FBXW2: variants seen among roughly 807,000 people sequenced by gnomAD.
The protein encoded by FBXW2 is F-box/WD repeat-containing protein 2.
A neutral mutation model predicts 46.0 loss-of-function variants in FBXW2; 12 were observed. The observed-to-expected ratio is 0.26, with a 90% CI of 0.17 to 0.42. The LOEUF is 0.42. FBXW2 is among the 10% of genes least tolerant of loss of function. FBXW2 has a pLI of 1.00. For synonymous variants in FBXW2, 203 were observed against 209.6 expected (o/e 0.97, Z 0.27); for missense variants, 360 against 537.0 (o/e 0.67, Z 3.26).
At chr9:120,791,834 C>T (rs778586896) in intron 2 of FBXW2, among the ~76,000 whole-genome samples, 4 of 152,134 alleles carry the variant, frequency 2.6e-5, no homozygotes, top group Admixed American at 6.5e-5. Context: ...CCTTACCCTA[C>T]GTCCCTACCC....
intron 3 of FBXW2, among the ~76,000 whole-genome samples, chr9:120,786,945 T>C (rs188111249): frequency 1.4e-3 from 219 of 152,322 alleles, no homozygotes; most frequent in Non-Finnish European, 2.1e-3. Flanking sequence ...CTCTCTCTGT[T>C]CCCAGGCCCA....
In FBXW2 at chr9:120,762,374, A is replaced by G. The variant is rs1438073620; in HGVS notation, c.*2185T>C. Reference sequence around the variant, plus strand: ...AAAAATAATAATAAAGTAAAAAGTCATTTACCATCATCATTGCCCAAAGTC... The same window carrying G: ...AAAAATAATAATAAAGTAAAAAGTCGTTTACCATCATCATTGCCCAAAGTC... On this transcript the variant is annotated 3_prime_UTR_variant, in exon 8 of 8. Coordinates refer to ENST00000608872, the MANE Select transcript of FBXW2 (RefSeq NM_012164.4). 1 of 152,012 alleles carries G rather than the reference A, an allele frequency of 6.6e-6. No individual in the cohort carries two copies. The highest frequency in any genetic ancestry group is 1.9e-4 in the East Asian group (1 of 5,176). 9.4% of individuals were successfully genotyped at this position (152,012 alleles called of 1,614,324 possible). A position where few individuals can be genotyped will look rare whatever the true frequency, so the allele number is the denominator to read the frequency against.
intron 3 of FBXW2, among the ~76,000 whole-genome samples, chr9:120,780,214 C>T (rs547540351): frequency 6.6e-6 from 1 of 151,324 alleles, no homozygotes; most frequent in African/African-American, 2.4e-5. Flanking sequence ...AAAAATTAGC[C>T]AGGCATGATG....
In FBXW2 at chr9:120,771,333, C is replaced by G. The variant is rs769070358; in HGVS notation, c.1076+15G>C. On this transcript the variant is annotated intron_variant, in intron 7 of 7. Coordinates refer to ENST00000608872, the MANE Select transcript of FBXW2 (RefSeq NM_012164.4). Reference sequence around the variant, plus strand: ...GGCTTTCAAAGGTAAAGCGTGAGGTCGAAGGAAACATTACCTGAGAATATC... The same window carrying G: ...GGCTTTCAAAGGTAAAGCGTGAGGTGGAAGGAAACATTACCTGAGAATATC... 16 of 1,600,700 alleles carry G rather than the reference C, an allele frequency of 1.0e-5. No homozygotes were observed. The highest frequency in any genetic ancestry group is 1.3e-5 in the Non-Finnish European group (15 of 1,173,348).
In FBXW2 at chr9:120,778,442, C is replaced by G. The variant is rs1293915285; in HGVS notation, c.594G>C (p.Lys198Asn). 2 of 1,614,116 alleles carry G rather than the reference C, an allele frequency of 1.2e-6. No homozygotes were observed. The highest frequency in any genetic ancestry group is 1.7e-6 in the Non-Finnish European group (2 of 1,180,018). ...TCAAVKFDEQ[K>N]LVTGSFDNTV... The stretch of plus-strand genomic sequence containing the variant: ...TGTTGTCAAAGGAGCCTGTCACAAG[C>G]TTCTGTTCATCAAACTTCACCGCTG... Residue 198 changes from lysine (K) to asparagine (N), a missense_variant, in exon 4 of 8, where the codon AAG becomes AAC. Physicochemically the swap from Lys to Asn is moderately conservative, Grantham distance 94. Transcript: ENST00000608872.
Position 120,761,692 on chromosome 9 carries a change from C to A in FBXW2, c.*2867G>T, listed in dbSNP as rs942147066. 1.3e-5 allele frequency: 2 copies of A among 152,094 alleles called. No individual in the cohort carries two copies. The highest frequency in any genetic ancestry group is 2.4e-5 in the African/African-American group (1 of 41,412). 9.4% of individuals were successfully genotyped at this position (152,094 alleles called of 1,614,324 possible). A position where few individuals can be genotyped will look rare whatever the true frequency, so the allele number is the denominator to read the frequency against. The stretch of plus-strand genomic sequence containing the variant: ...ATAAAATCTCAGGCCAAATAAAGGC[C>A]TCCATAAGGAAGAACTGACATTAGG... On this transcript the variant is annotated 3_prime_UTR_variant, in exon 8 of 8. Transcript: ENST00000608872.
chr9:120,786,915 C>T (rs1165453103), intron 3 of FBXW2, among the ~76,000 whole-genome samples: 1 of 152,034 alleles, frequency 6.6e-6, no homozygotes, highest in Non-Finnish European at 1.5e-5. Flanking sequence ...TACTTAATTG[C>T]CTAGTTAAAA....
intron 3 of FBXW2, among the ~76,000 whole-genome samples, chr9:120,779,362 G>C (rs1271797263): frequency 1.3e-5 from 2 of 152,182 alleles, no homozygotes; most frequent in Middle Eastern, 3.2e-3. Context: ...CAGTCACTAT[G>C]ATAATGGCAC....
intron 4 of FBXW2, among the ~76,000 whole-genome samples, chr9:120,777,971 G>A (rs1178237969): frequency 6.6e-6 from 1 of 151,944 alleles, no homozygotes; most frequent in African/African-American, 2.4e-5. Flanking sequence ...TACAAATAAA[G>A]TGGAATTTAC....
At position 120,788,166 on chromosome 9, in the gene FBXW2, G is replaced by A; in HGVS notation, c.93C>T (p.His31=). The A allele has an allele frequency of 1.2e-6, 2 of 1,614,154 alleles. No homozygotes were observed. Among genetic ancestry groups the A allele is most frequent in the Non-Finnish European group, 1.7e-6 (2 of 1,180,030 alleles). Reference sequence around the variant, plus strand: ...GGACTGCCCCACTCAGACTAATCAGGTGATCCAGAGTTTCATTTTTCTGCA... The same window carrying A: ...GGACTGCCCCACTCAGACTAATCAGATGATCCAGAGTTTCATTTTTCTGCA... ...TDLQKNETLD[H]LISLSGAVQL... is the part of the protein sequence containing the mutation. Residue 31 remains histidine, a synonymous_variant, in exon 3 of 8, where the codon CAC becomes CAT. Coordinates refer to ENST00000608872, the MANE Select transcript of FBXW2 (RefSeq NM_012164.4).
intron 3 of FBXW2, among the ~76,000 whole-genome samples, chr9:120,782,884 T>A (rs957057198): frequency 6.6e-6 from 1 of 151,960 alleles, no homozygotes; most frequent in Non-Finnish European, 1.5e-5. Context: ...AACAAAAAAA[T>A]TGGATACAGT....
Position 120,793,214 on chromosome 9 carries a change from G to C in FBXW2, c.-86C>G. 1.8e-6 allele frequency: 1 copy of C among 548,898 alleles called. No individual in the cohort carries two copies. The highest frequency in any genetic ancestry group is 2.5e-5 in the South Asian group (1 of 40,688). 34.0% of individuals were successfully genotyped at this position (548,898 alleles called of 1,614,324 possible). A position where few individuals can be genotyped will look rare whatever the true frequency, so the allele number is the denominator to read the frequency against. Reference sequence around the variant, plus strand: ...CACAGCTACTAGGCACGCTCGGACCGCCAGAGCCTTGCAGCGGCCGGGTCC... The same window carrying C: ...CACAGCTACTAGGCACGCTCGGACCCCCAGAGCCTTGCAGCGGCCGGGTCC... On this transcript the variant is annotated 5_prime_UTR_variant, in exon 2 of 8. Transcript: ENST00000608872.
At chr9:120,780,347 T>A (rs536204984) in intron 3 of FBXW2, among the ~76,000 whole-genome samples, 29 of 147,896 alleles carry the variant, frequency 2.0e-4, no homozygotes, top group African/African-American at 7.0e-4. Context: ...AGAGGAAGAC[T>A]CTGTTTCAAA....
rs1489130337 is a variant in FBXW2, at chr9:120,776,086, T to G, written c.819+7A>C. On this transcript the variant is annotated splice_region_variant and intron_variant, in intron 5 of 7. Coordinates refer to ENST00000608872, the MANE Select transcript of FBXW2 (RefSeq NM_012164.4). ...ATAAGCAGGAGACTTCTTCCAAGTC[T>G]TCCTACCTTGGTGACCCATTCCGTG... 1 of 1,613,504 alleles carries G rather than the reference T, an allele frequency of 6.2e-7. No individual in the cohort carries two copies. Among genetic ancestry groups the G allele is most frequent in the Admixed American group, 1.7e-5 (1 of 59,778 alleles).
At chr9:120,781,288 C>G (rs180709648) in intron 3 of FBXW2, among the ~76,000 whole-genome samples, 1 of 152,086 alleles carries the variant, frequency 6.6e-6, no homozygotes, top group Non-Finnish European at 1.5e-5. Context: ...ATATGCAACA[C>G]AAAAATTATT....
intron 7 of FBXW2, among the ~76,000 whole-genome samples, chr9:120,770,175 G>A (rs544395715): frequency 2.4e-4 from 36 of 152,278 alleles, no homozygotes; most frequent in African/African-American, 8.7e-4. Flanking sequence ...AGGAGATTGA[G>A]TCCATCCTGC....
chr9:120,792,906 A>G (rs750706799), intron 2 of FBXW2: 171 of 1,525,744 alleles, frequency 1.1e-4, no homozygotes, highest in Non-Finnish European at 1.4e-4. Flanking sequence ...TGGCATACCC[A>G]CAATTATGGC....
intron 5 of FBXW2, 89 bp from the exon 6 acceptor site, chr9:120,772,929 T>A: frequency 1.1e-6 from 1 of 910,362 alleles, no homozygotes; most frequent in Non-Finnish European, 1.7e-6. Flanking sequence ...AAAAATGAGC[T>A]TAACATATGC....
intron 2 of FBXW2, among the ~76,000 whole-genome samples, chr9:120,790,581 C>T (rs1324985007): frequency 6.6e-6 from 1 of 152,200 alleles, no homozygotes; most frequent in Non-Finnish European, 1.5e-5. Flanking sequence ...CACATCTACA[C>T]ATACATATAT....
Sources: gnomAD v4.1 joint callset for allele counts (sites outside exome capture counted in the v4.1 genomes callset) on GRCh38, gnomAD v4.1.1 for gene constraint, MANE v1.5 for transcripts, NCBI Gene and HGNC (gene_info 2026-07-23, HGNC 2026-07-21) for gene names.